Variants in DNM3 observed in about 807,000 individuals in gnomAD.
DNM3 encodes dynamin-3.
A neutral mutation model predicts 101.6 loss-of-function variants in DNM3; 47 were observed. The ratio of observed to expected loss-of-function variants is 0.46; its 90% CI spans 0.37 to 0.59. The LOEUF is 0.59. Among genes scored for constraint, DNM3 ranks in the 20% least tolerant of loss-of-function variants. DNM3 has a pLI of 0.00. For missense variants in DNM3, 849 were observed against 1,085.7 expected, an observed-to-expected ratio of 0.78 and a Z score of 3.06; for synonymous variants, 385 against 387.9, an observed-to-expected ratio of 0.99 and a Z score of 0.09.
At chr1:171,988,567 G>A (rs75477556) in intron 3 of DNM3, among the ~76,000 whole-genome samples, 2 of 151,980 alleles carry the variant, frequency 1.3e-5, no homozygotes, top group Admixed American at 6.6e-5. Context: ...TTAAGGAAAG[G>A]GCAGTCTTAC....
chr1:172,146,902 A>G (rs1240478196), intron 14 of DNM3, among the ~76,000 whole-genome samples: 1 of 152,148 alleles, frequency 6.6e-6, no homozygotes, highest in Non-Finnish European at 1.5e-5. Flanking sequence ...ATATGCCCTC[A>G]AATGGTTCTA....
intron 14 of DNM3, among the ~76,000 whole-genome samples, chr1:172,161,559 AT>A (rs1426538356): frequency 1.3e-5 from 2 of 151,980 alleles, no homozygotes; most frequent in East Asian, 3.9e-4. Context: ...TAATACCTAC[AT>A]TTTAAGAGAG....
At chr1:172,077,585 A>G (rs1333363735) in intron 11 of DNM3, among the ~76,000 whole-genome samples, 1 of 152,224 alleles carries the variant, frequency 6.6e-6, no homozygotes, top group Non-Finnish European at 1.5e-5. Context: ...GTGGTCATTC[A>G]GGAGCAGGTT....
At chr1:172,057,005 T>C (rs2050693617) in intron 10 of DNM3, among the ~76,000 whole-genome samples, 1 of 151,826 alleles carries the variant, frequency 6.6e-6, no homozygotes, top group African/African-American at 2.4e-5. Context: ...TTAAAGGAGC[T>C]GATGGAGCTG....
chr1:171,868,470 G>A (rs1386484034), intron 1 of DNM3, among the ~76,000 whole-genome samples: 1 of 152,172 alleles, frequency 6.6e-6, no homozygotes, highest in Non-Finnish European at 1.5e-5. Context: ...TGCGCATTGC[G>A]TGAATAAGTG....
In DNM3 at chr1:171,925,588, T is replaced by TA. The variant is rs543332901; in HGVS notation, c.235+3768dup. Among the ~76,000 whole-genome samples the TA allele has an allele frequency of 2.1e-4, 32 of 152,308 alleles. No individual in the cohort carries two copies. In the East Asian group the frequency reaches 4.6e-3, roughly 22 times the overall value. ...TTCTTGTTGATTTGTTTAAAGTTCT[T>TA]ATAGATTCTGGATATTAGTCCTTTA... is the stretch of plus-strand genomic sequence containing the variant. On this transcript the variant is annotated intron_variant, in intron 2 of 20. Transcript: ENST00000627582.
chr1:172,018,234 A>T (rs1357818860), intron 4 of DNM3, among the ~76,000 whole-genome samples: 4 of 152,028 alleles, frequency 2.6e-5, no homozygotes, highest in Non-Finnish European at 4.4e-5. Flanking sequence ...TATCTATTAT[A>T]TTTGTTACTA....
chr1:172,379,015 T>C lies in DNM3; in HGVS notation c.1894-3T>C. 6.2e-7 allele frequency: 1 copy of C among 1,608,440 alleles called. No individual in the cohort carries two copies. The highest frequency in any genetic ancestry group is 8.5e-7 in the Non-Finnish European group (1 of 1,177,656). The stretch of plus-strand genomic sequence containing the variant: ...ATCCATGGTTTGTTTTCTCTTCTTT[T>C]AGGCTGAAAATGATGAGAATGGACA... On this transcript the variant is annotated splice_region_variant and splice_polypyrimidine_tract_variant and intron_variant, in intron 17 of 20. Transcript: ENST00000627582.
chr1:172,243,215 A>G (rs1404201932), intron 14 of DNM3, among the ~76,000 whole-genome samples: 2 of 152,144 alleles, frequency 1.3e-5, no homozygotes, highest in Non-Finnish European at 2.9e-5. Flanking sequence ...GAATATAGAG[A>G]TTAAATATAA....
chr1:172,359,807 G>A (rs1372760890), intron 17 of DNM3, among the ~76,000 whole-genome samples: 1 of 151,928 alleles, frequency 6.6e-6, no homozygotes, highest in East Asian at 1.9e-4. Context: ...ATTTTCTGCG[G>A]CTCTTTTCCC....
chr1:172,375,117 G>A (rs990752082), intron 17 of DNM3, among the ~76,000 whole-genome samples: 4 of 151,928 alleles, frequency 2.6e-5, no homozygotes, highest in Non-Finnish European at 4.4e-5. Flanking sequence ...ATGAAACCAC[G>A]GGGGTTTTTC....
At chr1:172,407,090 T>A (rs191781512) in intron 20 of DNM3, among the ~76,000 whole-genome samples, 1 of 152,124 alleles carries the variant, frequency 6.6e-6, no homozygotes, top group Admixed American at 6.6e-5. Flanking sequence ...CTAAAGTACG[T>A]TTGCTTAGTA....
intron 17 of DNM3, among the ~76,000 whole-genome samples, chr1:172,348,399 G>T (rs1346726868): frequency 6.6e-6 from 1 of 152,072 alleles, no homozygotes; most frequent in Admixed American, 6.5e-5. Flanking sequence ...GATCCTAAAA[G>T]AAGCCAGAAA....
intron 1 of DNM3, among the ~76,000 whole-genome samples, chr1:171,853,707 C>T (rs1328516414): frequency 6.6e-6 from 1 of 152,158 alleles, no homozygotes; most frequent in African/African-American, 2.4e-5. Flanking sequence ...AGCTGTCCTC[C>T]TTTCGCATGT....
chr1:172,131,231 G>T lies in DNM3; in HGVS notation c.1602G>T (p.Ser534=). 1 of 1,613,410 alleles carries T rather than the reference G, an allele frequency of 6.2e-7. No homozygotes were observed. Among genetic ancestry groups the T allele is most frequent in the Non-Finnish European group, 8.5e-7 (1 of 1,179,590 alleles). Residue 534 remains serine, a synonymous_variant, in exon 14 of 21, where the codon TCG becomes TCT. Coordinates refer to ENST00000627582, the MANE Select transcript of DNM3 (RefSeq NM_015569.5). ...ACATTGGCATCATGAAAGGCGGCTC[G>T]AAGGGATACTGGTTCGTCCTTACTG... ...ISNIGIMKGG[S]KGYWFVLTAE...
intron 10 of DNM3, among the ~76,000 whole-genome samples, chr1:172,068,051 G>A (rs1017989916): frequency 4.6e-5 from 7 of 152,224 alleles, no homozygotes; most frequent in African/African-American, 1.7e-4. Context: ...GGGTTGGCCG[G>A]GCGTGGTGGC....
intron 1 of DNM3, among the ~76,000 whole-genome samples, chr1:171,842,479 GGT>G: frequency 6.6e-6 from 1 of 152,334 alleles, no homozygotes; most frequent in East Asian, 1.9e-4. Flanking sequence ...AATAAAAGGT[GGT>G]GTGTTTGCGT....
chr1:172,210,503 T>C (rs1052882510), intron 14 of DNM3, among the ~76,000 whole-genome samples: 1 of 151,868 alleles, frequency 6.6e-6, no homozygotes, highest in African/African-American at 2.4e-5. Flanking sequence ...CTGTATGGAT[T>C]GGGGATCAGA....
intron 20 of DNM3, among the ~76,000 whole-genome samples, chr1:172,404,122 G>T (rs1573768855): frequency 1.3e-5 from 2 of 152,074 alleles, no homozygotes; most frequent in African/African-American, 4.8e-5. Flanking sequence ...TTAGTGAGGA[G>T]CTCTTTAGGA....
Sources: allele counts gnomAD v4.1 joint callset (sites outside exome capture counted in the v4.1 genomes callset), GRCh38; gene constraint gnomAD v4.1.1; transcripts MANE v1.5; gene names NCBI Gene and HGNC (gene_info 2026-07-23, HGNC 2026-07-21).